RARB: variants seen among roughly 807,000 people sequenced by gnomAD.
RARB encodes the protein HBV-activated protein.
In RARB, 17 loss-of-function variants were observed where a neutral mutation model predicts 51.9. The observed-to-expected ratio is 0.33, with a 90% CI of 0.22 to 0.49. The LOEUF (loss-of-function observed/expected upper bound fraction) is 0.49, where lower values mean the gene tolerates loss of function less well. RARB is among the 20% of genes least tolerant of loss of function. RARB has a pLI of 0.99. For missense variants in RARB, 369 were observed against 550.8 expected (o/e 0.67, Z 3.30); for synonymous variants, 215 against 195.4 (o/e 1.10, Z -0.84).
At position 25,040,981 on chromosome 3, in the gene RARB, A is replaced by G. The variant is rs115650458; in HGVS notation, c.-379-19144A>G. Among the ~76,000 whole-genome samples the G allele has an allele frequency of 5.9e-3, 905 of 152,318 alleles. 4 individuals are homozygous for G. The highest frequency in any genetic ancestry group is 7.2e-3 in the Non-Finnish European group (487 of 68,030). ...TTTTTGGTTGCATCATTCATGCTGT[A>G]TCAACGGAAATCCACCACAGTCTCT... is the stretch of plus-strand genomic sequence containing the variant. On this transcript the variant is annotated intron_variant, in intron 2 of 11. Transcript: ENST00000383772.
At chr3:25,359,770 T>C (rs1298702742) in intron 5 of RARB, among the ~76,000 whole-genome samples, 3 of 152,218 alleles carry the variant, frequency 2.0e-5, no homozygotes, top group South Asian at 2.1e-4. Flanking sequence ...TCAGTTTCCA[T>C]GTTGTTATGA....
At chr3:25,347,090 C>G (rs573804948) in intron 5 of RARB, among the ~76,000 whole-genome samples, 2 of 152,250 alleles carry the variant, frequency 1.3e-5, no homozygotes, top group South Asian at 4.2e-4. Context: ...GAAAACATAC[C>G]AGATTACCAG....
chr3:25,226,267 A>G (rs1702053966), intron 5 of RARB, among the ~76,000 whole-genome samples: 1 of 152,200 alleles, frequency 6.6e-6, no homozygotes, highest in Non-Finnish European at 1.5e-5. Flanking sequence ...ATTGAAGTTT[A>G]TTTTAGTAGG....
At chr3:24,868,818 T>C (rs1015282836) in intron 2 of RARB, among the ~76,000 whole-genome samples, 11 of 152,176 alleles carry the variant, frequency 7.2e-5, no homozygotes, top group African/African-American at 2.4e-4. Flanking sequence ...AAAATCTTTA[T>C]CTACCCATGA....
chr3:25,033,361 C>T (rs998269252), intron 2 of RARB, among the ~76,000 whole-genome samples: 5 of 152,120 alleles, frequency 3.3e-5, no homozygotes, highest in Non-Finnish European at 5.9e-5. Flanking sequence ...AGAAATTAGA[C>T]CTTCCCAGTC....
At chr3:24,946,274 A>AG (rs1377095736) in intron 2 of RARB, among the ~76,000 whole-genome samples, 1 of 151,494 alleles carries the variant, frequency 6.6e-6, no homozygotes, top group Non-Finnish European at 1.5e-5. Flanking sequence ...AAAAAAAAAA[A>AG]AAAAAAGAAA....
intron 3 of RARB, among the ~76,000 whole-genome samples, chr3:25,567,628 A>G (rs577225721): frequency 6.6e-6 from 1 of 152,274 alleles, no homozygotes; most frequent in East Asian, 1.9e-4. Context: ...AGTTTTGCAT[A>G]GACACATATT....
At chr3:25,208,107 G>C (rs184798121) in intron 5 of RARB, among the ~76,000 whole-genome samples, 2 of 152,102 alleles carry the variant, frequency 1.3e-5, no homozygotes, top group African/African-American at 4.8e-5. Flanking sequence ...GGACAGTGCC[G>C]AGGGGATGGT....
At chr3:25,095,360 C>T (rs1235248164) in intron 3 of RARB, among the ~76,000 whole-genome samples, 1 of 152,196 alleles carries the variant, frequency 6.6e-6, no homozygotes, top group Non-Finnish European at 1.5e-5. Context: ...GCAACATCAG[C>T]ACCATCTGGG....
chr3:24,919,784 C>T (rs549937769), intron 2 of RARB, among the ~76,000 whole-genome samples: 136 of 152,326 alleles, frequency 8.9e-4, no homozygotes, highest in African/African-American at 3.2e-3. Flanking sequence ...CCTTTAATTT[C>T]TTCTCATCAG....
intron 5 of RARB, among the ~76,000 whole-genome samples, chr3:25,184,883 C>A (rs1034077022): frequency 4.0e-5 from 6 of 151,668 alleles, no homozygotes; most frequent in African/African-American, 1.5e-4. Context: ...CAAAGCAAAA[C>A]CCTGTGTCCA....
chr3:25,509,467 C>G (rs932970068), intron 3 of RARB, among the ~76,000 whole-genome samples: 2 of 152,332 alleles, frequency 1.3e-5, no homozygotes, highest in African/African-American at 2.4e-5. Flanking sequence ...AGTAGAGACT[C>G]TATTCATTTT....
At chr3:25,226,847 C>T (rs1702066700) in intron 5 of RARB, among the ~76,000 whole-genome samples, 2 of 152,188 alleles carry the variant, frequency 1.3e-5, no homozygotes, top group Non-Finnish European at 2.9e-5. Context: ...GAACTACCCA[C>T]AGTTACCCAT....
intron 5 of RARB, among the ~76,000 whole-genome samples, chr3:25,309,528 C>T (rs1419438003): frequency 1.2e-4 from 14 of 116,926 alleles, no homozygotes; most frequent in East Asian, 9.2e-4. Flanking sequence ...GATAGAGTCT[C>T]GCCCTGTCGC....
intron 5 of RARB, among the ~76,000 whole-genome samples, chr3:25,363,385 A>G (rs1298087182): frequency 6.6e-6 from 1 of 152,104 alleles, no homozygotes; most frequent in Non-Finnish European, 1.5e-5. Flanking sequence ...CCACTTAGAT[A>G]TCTAACGTAG....
intron 3 of RARB, among the ~76,000 whole-genome samples, chr3:25,537,669 A>G (rs1699197494): frequency 6.6e-6 from 1 of 152,074 alleles, no homozygotes; most frequent in South Asian, 2.1e-4. Flanking sequence ...GCTCTCTTCT[A>G]TGGGCCCAAC....
At chr3:25,350,126 C>A (rs1312655451) in intron 5 of RARB, among the ~76,000 whole-genome samples, 2 of 152,130 alleles carry the variant, frequency 1.3e-5, no homozygotes, top group Non-Finnish European at 2.9e-5. Flanking sequence ...AAGCTTGGAA[C>A]TGGCCCATCA....
intron 1 of RARB, among the ~76,000 whole-genome samples, chr3:25,458,050 G>A (rs74521791): frequency 0.064 from 9,664 of 151,432 alleles, 364 homozygotes; most frequent in East Asian, 0.13. Flanking sequence ...ATCAGGGAGT[G>A]TAAATCTACA....
At chr3:24,883,356 T>TGTGTGTG (rs1049964466) in intron 2 of RARB, among the ~76,000 whole-genome samples, 8 of 143,672 alleles carry the variant, frequency 5.6e-5, no homozygotes, top group Non-Finnish European at 1.1e-4. Flanking sequence ...TCAACAATCA[T>TGTGTGTG]TGTGTGTGTG....
Sources: gnomAD v4.1 joint callset for allele counts (sites outside exome capture counted in the v4.1 genomes callset) on GRCh38, gnomAD v4.1.1 for gene constraint, MANE v1.5 for transcripts, NCBI Gene and HGNC (gene_info 2026-07-23, HGNC 2026-07-21) for gene names.